Variants in ERCC6 observed in about 807,000 individuals in gnomAD.
ERCC6 encodes the protein ERCC excision repair 6, chromatin remodeling factor.
A neutral mutation model predicts 158.7 loss-of-function variants in ERCC6; 116 were observed. The ratio of observed to expected loss-of-function variants is 0.73; its 90% CI spans 0.63 to 0.85. The LOEUF is 0.85. Ranked by LOEUF, ERCC6 falls within the 40% of genes least tolerant of loss-of-function variation. The pLI, the probability that ERCC6 is intolerant of heterozygous loss-of-function variation, is 0.00. For synonymous variants in ERCC6, 678 were observed against 659.3 expected (o/e 1.03, Z -0.43); for missense variants, 1,698 against 1,799.4 (o/e 0.94, Z 1.02).
At chr10:49,449,168 C>G (rs997927582), downstream of ERCC6, among the ~76,000 whole-genome samples, 1 of 152,164 alleles carries the variant, frequency 6.6e-6, no homozygotes, top group Non-Finnish European at 1.5e-5. Flanking sequence ...TTTTAGCCAA[C>G]TTAGTGGGTG....
chr10:49,526,115 T>TTATATATATA (rs780309557), intron 4 of ERCC6, among the ~76,000 whole-genome samples: 2 of 105,450 alleles, frequency 1.9e-5, no homozygotes, highest in African/African-American at 8.2e-5. Flanking sequence ...ATTTATATAT[T>TTATATATATA]TTTATATATA....
chr10:49,459,424 TAA>T (rs1255663279), intron 20 of ERCC6, among the ~76,000 whole-genome samples, 190 bp from the exon 21 acceptor site: 1 of 151,940 alleles, frequency 6.6e-6, no homozygotes, highest in Non-Finnish European at 1.5e-5. Context: ...CTCCCACTGT[TAA>T]GAGACCGTTT....
rs1342267719 is a variant in ERCC6, at chr10:49,470,843, CCTT to C, written c.3114_3116del (p.Arg1039del). ...GGTCTGCTCCAAAGGCTGGTTGAAT[CCTT>C]CTTTTTAGATGGCATTTGGGTGTCT... On this transcript the variant is annotated inframe_deletion, in exon 18 of 21. Transcript: ENST00000355832. The C allele has an allele frequency of 1.2e-6, 2 of 1,614,070 alleles. No individual in the cohort carries two copies. The highest frequency in any genetic ancestry group is 1.7e-5 in the Admixed American group (1 of 60,020).
chr10:49,460,138 T>C, intron 20 of ERCC6: 3 of 581,336 alleles, frequency 5.2e-6, no homozygotes, highest in South Asian at 2.0e-5. Flanking sequence ...AACCTTCTAA[T>C]GGCAAAACAG....
intron 2 of ERCC6, among the ~76,000 whole-genome samples, chr10:49,531,850 T>A (rs1031392237): frequency 2.0e-5 from 3 of 152,160 alleles, no homozygotes; most frequent in Non-Finnish European, 4.4e-5. Flanking sequence ...TACCTGACAC[T>A]GCCCAGAACA....
intron 4 of ERCC6, among the ~76,000 whole-genome samples, chr10:49,526,101 A>ATATT (rs1837319109): frequency 1.0e-5 from 1 of 99,790 alleles, no homozygotes; most frequent in African/African-American, 4.2e-5. Context: ...TTATATATTT[A>ATATT]TATATTTATA....
chr10:49,473,699 G>A, intron 13 of ERCC6, 112 bp from the exon 14 acceptor site: 1 of 781,766 alleles, frequency 1.3e-6, no homozygotes, highest in Non-Finnish European at 2.3e-6. Context: ...GTTAAAAGGA[G>A]TTTCTTGCTT....
the ERCC6 span, among the ~76,000 whole-genome samples, chr10:49,442,659 A>C: frequency 1.9e-4 from 29 of 152,304 alleles, no homozygotes; most frequent in African/African-American, 6.3e-4. Context: ...GATTGTCAGC[A>C]CATCACACTG....
intron 7 of ERCC6, among the ~76,000 whole-genome samples, chr10:49,495,545 C>A (rs1277191657): frequency 6.6e-6 from 1 of 152,182 alleles, no homozygotes; most frequent in African/African-American, 2.4e-5. Flanking sequence ...CCAGATCACT[C>A]TTCTGAACTC....
In ERCC6 at chr10:49,461,351, C is replaced by CT. The variant is rs760027420; in HGVS notation, c.3983dup (p.Ser1329GlufsTer2). ...AAGTATGGCATGCAGCAATCTCTTA[C>CT]TTTTTTCCTGCTGGTGCACCAGAAA... is the stretch of plus-strand genomic sequence containing the variant. On this transcript the variant is annotated frameshift_variant and splice_region_variant. Coordinates refer to ENST00000355832, the MANE Select transcript of ERCC6 (RefSeq NM_000124.4). LOFTEE classifies it high-confidence loss of function. 2.2e-5 allele frequency: 35 copies of CT among 1,612,686 alleles called. No homozygotes were observed. Among genetic ancestry groups the CT allele is most frequent in the Non-Finnish European group, 2.9e-5 (34 of 1,179,952 alleles).
intron 6 of ERCC6, chr10:49,504,593 T>C (rs1264653388): frequency 2.0e-5 from 3 of 152,162 alleles, no homozygotes; most frequent in Non-Finnish European, 4.4e-5. Context: ...GGGTATTCCT[T>C]TTGCTAGTAC....
At chr10:49,464,760 G>A (rs1052104588) in intron 18 of ERCC6, among the ~76,000 whole-genome samples, 4 of 152,208 alleles carry the variant, frequency 2.6e-5, no homozygotes, top group African/African-American at 9.6e-5. Flanking sequence ...CCAAGCCTTG[G>A]GAGCTTCCAC....
the ERCC6 span, among the ~76,000 whole-genome samples, chr10:49,448,721 G>A: frequency 6.6e-6 from 1 of 152,154 alleles, no homozygotes; most frequent in African/African-American, 2.4e-5. Flanking sequence ...ATATGGATGG[G>A]ATCATAGCAT....
chr10:49,441,047 T>C, the ERCC6 span, among the ~76,000 whole-genome samples: 3 of 152,176 alleles, frequency 2.0e-5, no homozygotes, highest in Non-Finnish European at 4.4e-5. Flanking sequence ...GAGAAGTCAG[T>C]TGGAGAAAAT....
At chr10:49,437,724 C>A in the ERCC6 span, among the ~76,000 whole-genome samples, 1 of 151,986 alleles carries the variant, frequency 6.6e-6, no homozygotes, top group African/African-American at 2.4e-5. Context: ...AGAAAGTTAA[C>A]AACAGAGTAA....
intron 18 of ERCC6, among the ~76,000 whole-genome samples, chr10:49,465,577 T>C (rs1254732286): frequency 2.6e-5 from 4 of 152,206 alleles, no homozygotes; most frequent in African/African-American, 9.6e-5. Flanking sequence ...TCATCTTGAA[T>C]TGTAACTCCC....
At chr10:49,501,476 C>CA (rs1305135221) in intron 6 of ERCC6, 1 of 151,970 alleles carries the variant, frequency 6.6e-6, no homozygotes, top group Admixed American at 6.6e-5. Context: ...CCTCCCCCTG[C>CA]AAAAAACAGA....
Position 49,461,359 on chromosome 10 carries a change from C to T in ERCC6, c.3976G>A (p.Gly1326Arg). The change falls in exon 19 of 21, where the codon GGA (glycine) becomes AGA (arginine). Residue 1326 changes from glycine to arginine, a missense_variant. Gly to Arg is a moderately radical substitution (Grantham distance 125). Coordinates refer to ENST00000355832, the MANE Select transcript of ERCC6 (RefSeq NM_000124.4). ...CATGCAGCAATCTCTTACTTTTTTC[C>T]TGCTGGTGCACCAGAAATCCCCCTG... The part of the protein sequence containing the change: ...GHRGISGAPA[G>R]KKSRFGKKRN... 6.2e-7 allele frequency: 1 copy of T among 1,613,012 alleles called. No individual in the cohort carries two copies. The highest frequency in any genetic ancestry group is 8.5e-7 in the Non-Finnish European group (1 of 1,179,962).
At position 49,459,339 on chromosome 10, in the gene ERCC6, G is replaced by A. The variant is rs1850536631; in HGVS notation, c.4063-105C>T. 3.9e-6 allele frequency: 5 copies of A among 1,279,468 alleles called. No individual in the cohort carries two copies. In the Admixed American group the frequency reaches 6.9e-5, roughly 18 times the overall value. 79.3% of individuals were successfully genotyped at this position (1,279,468 alleles called of 1,614,324 possible). A position where few individuals can be genotyped will look rare whatever the true frequency, so the allele number is the denominator to read the frequency against. ...GTCACAAGACAACACATGTGCCAGG[G>A]TGGTGAGGTTGACAGGGTGAGACTG... On this transcript the variant is annotated intron_variant, in intron 20 of 20. Coordinates refer to ENST00000355832, the MANE Select transcript of ERCC6 (RefSeq NM_000124.4).
Sources: allele counts gnomAD v4.1 joint callset (sites outside exome capture counted in the v4.1 genomes callset), GRCh38; gene constraint gnomAD v4.1.1; transcripts MANE v1.5; gene names NCBI Gene and HGNC (gene_info 2026-07-23, HGNC 2026-07-21).